SMCO2: variants seen among roughly 807,000 people sequenced by gnomAD.
The protein encoded by SMCO2 is single-pass membrane and coiled-coil domain-containing protein 2.
SMCO2 carries 25 observed loss-of-function variants against 29.5 expected under a neutral mutation model. The ratio of observed to expected loss-of-function variants is 0.85; its 90% CI spans 0.62 to 1.18. SMCO2 has a LOEUF of 1.18. SMCO2 is among the 50% of genes most tolerant of loss of function. The pLI is 0.00. For synonymous variants in SMCO2, 117 were observed against 123.3 expected, an observed-to-expected ratio of 0.95 and a Z score of 0.34; for missense variants, 348 against 344.5, an observed-to-expected ratio of 1.01 and a Z score of -0.08.
Position 27,494,125 on chromosome 12 carries a change from A to T in SMCO2, c.451-175A>T, listed in dbSNP as rs866522631. 1.4e-5 allele frequency: 6 copies of T among 438,740 alleles called. No homozygotes were observed. In the Admixed American group the frequency reaches 1.4e-4, roughly 10 times the overall value. The allele number at this position is 438,740 out of a possible 1,614,324, so 27.2% of individuals were successfully genotyped here. ...TGTTAATCTTATGGTTATACCACTT[A>T]CAGTCTGCAATTTATGATTACACTA... On this transcript the variant is annotated intron_variant, in intron 5 of 7. Transcript: ENST00000298876.
the SMCO2 span, among the ~76,000 whole-genome samples, chr12:27,435,286 C>G: frequency 8.7e-3 from 119 of 13,628 alleles, 33 homozygotes; most frequent in African/African-American, 0.021. Flanking sequence ...AGCAGAACCC[C>G]CCCCCCCCCC....
At chr12:27,474,956 G>T in intron 4 of SMCO2, 43 bp downstream of exon 4, 1 of 1,536,110 alleles carries the variant, frequency 6.5e-7, no homozygotes, top group South Asian at 1.2e-5. Context: ...AATAATGTGT[G>T]GAGGGGAAAA....
the SMCO2 span, among the ~76,000 whole-genome samples, chr12:27,429,539 T>C: frequency 6.6e-6 from 1 of 152,192 alleles, no homozygotes; most frequent in South Asian, 2.1e-4. Flanking sequence ...CAACCACTTA[T>C]ACCTTTTTTT....
intron 5 of SMCO2, among the ~76,000 whole-genome samples, chr12:27,492,347 A>G (rs1942928830): frequency 6.6e-6 from 1 of 152,170 alleles, no homozygotes; most frequent in African/African-American, 2.4e-5. Context: ...GTTTGCCGTT[A>G]CAAACTATGC....
the SMCO2 span, among the ~76,000 whole-genome samples, chr12:27,449,324 T>C: frequency 1.3e-5 from 2 of 152,266 alleles, no homozygotes; most frequent in East Asian, 3.8e-4. Flanking sequence ...TTTCATACTT[T>C]CGTTATGTTT....
the SMCO2 span, among the ~76,000 whole-genome samples, chr12:27,432,112 G>T: frequency 1.3e-4 from 20 of 152,150 alleles, no homozygotes; most frequent in South Asian, 2.9e-3. Flanking sequence ...AAGTTATTTG[G>T]TTTTTTTGTT....
At chr12:27,445,863 T>C in the SMCO2 span, among the ~76,000 whole-genome samples, 1 of 152,150 alleles carries the variant, frequency 6.6e-6, no homozygotes, top group Admixed American at 6.6e-5. Flanking sequence ...TTCTGGCTTG[T>C]AGAAGGTGGC....
chr12:27,440,648 G>GGT, the SMCO2 span, among the ~76,000 whole-genome samples: 2 of 122,382 alleles, frequency 1.6e-5, no homozygotes, highest in African/African-American at 5.9e-5. Context: ...TTTTCTGTGG[G>GGT]TTTTTTTTTT....
intron 5 of SMCO2, among the ~76,000 whole-genome samples, chr12:27,491,145 A>G (rs923624795): frequency 6.6e-6 from 1 of 152,202 alleles, no homozygotes; most frequent in Admixed American, 6.5e-5. Context: ...AATATCACAT[A>G]TATTGGCTCA....
chr12:27,460,220 T>A, the SMCO2 span, among the ~76,000 whole-genome samples: 2 of 152,128 alleles, frequency 1.3e-5, no homozygotes, highest in African/African-American at 2.4e-5. Flanking sequence ...ATGCAAGGTG[T>A]TTAGGACAGT....
chr12:27,458,828 A>G, the SMCO2 span, among the ~76,000 whole-genome samples: 3 of 147,822 alleles, frequency 2.0e-5, no homozygotes, highest in South Asian at 6.7e-4. Context: ...CGGAGGTTGC[A>G]GTGAGCTGAG....
intron 4 of SMCO2, among the ~76,000 whole-genome samples, chr12:27,488,052 A>C (rs1028085231): frequency 6.6e-5 from 10 of 152,114 alleles, no homozygotes; most frequent in African/African-American, 2.2e-4. Context: ...CATCCATTTA[A>C]CAGGGTCTTT....
chr12:27,496,533 A>T (rs1306577397), intron 7 of SMCO2, among the ~76,000 whole-genome samples: 1 of 150,552 alleles, frequency 6.6e-6, no homozygotes, highest in Non-Finnish European at 1.5e-5. Flanking sequence ...AGGATGCCTT[A>T]CCCTTGGATG....
chr12:27,423,977 T>C, the SMCO2 span: 7 of 152,190 alleles, frequency 4.6e-5, no homozygotes, highest in African/African-American at 7.2e-5. Context: ...CATACCAGAT[T>C]TTGAAGACTA....
At chr12:27,469,380 A>G (rs1291735168) in intron 1 of SMCO2, among the ~76,000 whole-genome samples, 1 of 152,168 alleles carries the variant, frequency 6.6e-6, no homozygotes, top group Non-Finnish European at 1.5e-5. Context: ...TTTATACCAC[A>G]CAAGTCAAGA....
chr12:27,477,634 C>CTTTTTTTTTTTTTTTTTTTTTTTTTTT (rs3051833), intron 4 of SMCO2, among the ~76,000 whole-genome samples: 3 of 109,654 alleles, frequency 2.7e-5, no homozygotes, highest in African/African-American at 1.1e-4. Flanking sequence ...CTTTTTCATT[C>CTTTTTTTTTTTTTTTTTTTTTTTTTTT]TTTTTTTTTT....
the SMCO2 span, among the ~76,000 whole-genome samples, chr12:27,429,961 G>T: frequency 4.0e-4 from 61 of 152,274 alleles, no homozygotes; most frequent in African/African-American, 1.5e-3. Flanking sequence ...ACACACCTCA[G>T]TTTCCTTCTA....
intron 3 of SMCO2, among the ~76,000 whole-genome samples, chr12:27,473,598 C>T (rs1179482371): frequency 6.6e-6 from 1 of 152,068 alleles, no homozygotes; most frequent in Non-Finnish European, 1.5e-5. Context: ...ACTCTATGAC[C>T]TTGGGCAAGT....
exon 4 of SMCO2, chr12:27,474,893 AAAG>A (rs1480599045): frequency 6.4e-7 from 1 of 1,551,270 alleles, no homozygotes; most frequent in Non-Finnish European, 8.7e-7. Flanking sequence ...TGCAGTTTTC[AAAG>A]AAGAACCTCC....
Sources: allele counts gnomAD v4.1 joint callset (sites outside exome capture counted in the v4.1 genomes callset), GRCh38; gene constraint gnomAD v4.1.1; transcripts MANE v1.5; gene names NCBI Gene and HGNC (gene_info 2026-07-23, HGNC 2026-07-21).